SMG5: variants seen among roughly 807,000 people sequenced by gnomAD.
SMG5 encodes the protein SMG5 nonsense mediated mRNA decay factor.
In SMG5, 53 loss-of-function variants were observed where a neutral mutation model predicts 122.9. The observed-to-expected ratio is 0.43, with a 90% CI of 0.35 to 0.54. The LOEUF (loss-of-function observed/expected upper bound fraction) is 0.54, where lower values mean the gene tolerates loss of function less well. SMG5 is among the 20% of genes least tolerant of loss of function. The pLI is 0.01. For synonymous variants in SMG5, 477 were observed against 490.2 expected (o/e 0.97, Z 0.35); for missense variants, 1,153 against 1,285.6 (o/e 0.90, Z 1.58).
chr1:156,257,478 GA>G (rs1661630261), intron 16 of SMG5, among the ~76,000 whole-genome samples: 1 of 152,094 alleles, frequency 6.6e-6, no homozygotes, highest in South Asian at 2.1e-4. Flanking sequence ...AGCACCACAT[GA>G]GAAGGGCTTG....
upstream of SMG5, chr1:156,285,386 G>A: frequency 6.3e-7 from 1 of 1,588,106 alleles, no homozygotes; most frequent in East Asian, 2.2e-5. Context: ...GTCTTCAGCT[G>A]GATCTCCCAC....
At chr1:156,261,266 G>T in intron 14 of SMG5, 67 bp downstream of exon 14, 1 of 1,472,146 alleles carries the variant, frequency 6.8e-7, no homozygotes, top group Non-Finnish European at 9.5e-7. Flanking sequence ...TTATGGGGAG[G>T]GGAGATGGGC....
Position 156,250,868 on chromosome 1 carries a change from C to T in SMG5, c.2957G>A (p.Gly986Asp). The T allele has an allele frequency of 1.2e-6, 2 of 1,613,876 alleles. No individual in the cohort carries two copies. Among genetic ancestry groups the T allele is most frequent in the Non-Finnish European group, 1.7e-6 (2 of 1,179,878 alleles). ...LPLDNPSVLS[G>D]PMQAALQAAA... ...TCACCCATGACCCACCTGCATGGGG[C>T]CTGAAAGCACGCTGGGGTTGTCCAG... is the stretch of plus-strand genomic sequence containing the variant. Residue 986 changes from glycine (G) to aspartate (D), a missense_variant, in exon 21 of 22, where the codon GGC becomes GAC. This residue lies in a region of SMG5 where 84 missense variants were observed against 82.3 expected (regional missense o/e 1.02). Transcript: ENST00000361813.
At position 156,260,594 on chromosome 1, in the gene SMG5, G is replaced by A. The variant is rs1661778573; in HGVS notation, c.2140C>T (p.Leu714Phe). The change falls in exon 15 of 22, where the codon CTT becomes TTT. Residue 714 changes from leucine to phenylalanine, a missense_variant. Coordinates refer to ENST00000361813, the MANE Select transcript of SMG5 (RefSeq NM_015327.3). ...LALCPEVQDL[L>F]EGCELPDLPS... ...AGGTCAGGCAGTTCACAACCTTCAA[G>A]AAGATCTTGGACCTCAGGACACAAG... 58 of 1,517,848 alleles carry A rather than the reference G, an allele frequency of 3.8e-5. No homozygotes were observed. The highest frequency in any genetic ancestry group is 5.1e-5 in the Non-Finnish European group (58 of 1,138,774). The allele number at this position is 1,517,848 out of a possible 1,614,324, so 94.0% of individuals were successfully genotyped here.
At chr1:156,276,984 T>C in intron 4 of SMG5, 101 bp downstream of exon 4, 1 of 1,206,390 alleles carries the variant, frequency 8.3e-7, no homozygotes, top group East Asian at 2.4e-5. Flanking sequence ...GCTAGAACTC[T>C]CTCTGCCTGG....
Position 156,261,404 on chromosome 1 carries a change from G to C in SMG5, c.2036C>G (p.Ser679Cys). 2 of 1,614,046 alleles carry C rather than the reference G, an allele frequency of 1.2e-6. No homozygotes were observed. Among genetic ancestry groups the C allele is most frequent in the Non-Finnish European group, 1.7e-6 (2 of 1,179,926 alleles). The change falls in exon 14 of 22, where the codon TCT becomes TGT. Residue 679 changes from serine (S) to cysteine (C), a missense_variant. Ser to Cys is a moderately radical substitution (Grantham distance 112, BLOSUM62 -1). Coordinates refer to ENST00000361813, the MANE Select transcript of SMG5 (RefSeq NM_015327.3). ...PDLIIVCAQS[S>C]QSLWNRLSVL... is the part of the protein sequence containing the mutation. ...AGACAGGCGGTTCCACAGACTTTGA[G>C]AGCTCTGGGGAGAGAGAAGGGAGAG...
chr1:156,282,841 T>G (rs1663032761), upstream of SMG5: 1 of 704,390 alleles, frequency 1.4e-6, no homozygotes, highest in Non-Finnish European at 2.3e-6. Context: ...CTCCTCCGCC[T>G]GCCAAATCTC....
In SMG5 at chr1:156,267,727, A is replaced by C. The variant is rs1209364956; in HGVS notation, c.909-49T>G. 9.4e-6 allele frequency: 14 copies of C among 1,484,492 alleles called. No individual in the cohort carries two copies. In the South Asian group the frequency reaches 1.7e-4, roughly 18 times the overall value. The allele number at this position is 1,484,492 out of a possible 1,614,324, so 92.0% of individuals were successfully genotyped here. On this transcript the variant is annotated intron_variant, in intron 9 of 21. Transcript: ENST00000361813. ...GGGAGGTCAGTGGTGGGGGCTGGGG[A>C]AGGAGAAGAGCAGGGAATACAAGAT...
chr1:156,250,701 G>C, intron 21 of SMG5, 31 bp from the exon 22 acceptor site: 2 of 1,610,418 alleles, frequency 1.2e-6, no homozygotes, highest in South Asian at 2.2e-5. Context: ...AGATGGAGAG[G>C]GTCTGACCTC....
chr1:156,262,946 A>T (rs61814770), intron 13 of SMG5, among the ~76,000 whole-genome samples: 33,732 of 152,162 alleles, frequency 0.22, 3,977 homozygotes, highest in Admixed American at 0.32. Context: ...CGGCTTGACA[A>T]GAGCTCGGTC....
In SMG5 at chr1:156,277,013, G is replaced by C. The variant is rs1662712601; in HGVS notation, c.454+72C>G. The C allele has an allele frequency of 5.9e-6, 9 of 1,513,184 alleles. No individual in the cohort carries two copies. The East Asian group carries it at 1.8e-4, about 31-fold the overall frequency. 93.7% of individuals were successfully genotyped at this position (1,513,184 alleles called of 1,614,324 possible). On this transcript the variant is annotated intron_variant, in intron 4 of 21. Transcript: ENST00000361813. ...TGCCTGGCTGGGTCGCAAGCTACAT[G>C]AACCCTGAGGGATAAGGCCAGAGGT...
upstream of SMG5, among the ~76,000 whole-genome samples, chr1:156,287,605 AC>A (rs1158736673): frequency 1.0e-5 from 1 of 97,318 alleles, no homozygotes; most frequent in Non-Finnish European, 2.1e-5. Context: ...CTTACTCTCC[AC>A]TTTTTTTTTT....
At chr1:156,259,274 T>C in intron 15 of SMG5, 111 bp from the exon 16 acceptor site, 1 of 1,168,184 alleles carries the variant, frequency 8.6e-7, no homozygotes, top group Admixed American at 3.5e-5. Flanking sequence ...CCCAGCCACC[T>C]CAGCCAACAA....
rs1378501679 is a variant in SMG5 at position 156,253,514 on chromosome 1, A to T, written c.2443-6T>A. On this transcript the variant is annotated splice_polypyrimidine_tract_variant and splice_region_variant and intron_variant, in intron 16 of 21. Transcript: ENST00000361813. ...CGACGAGCTTCCTCCTGTGCCTATG[A>T]GGGAAAAAATGAGCTGTAAGGAGTT... 5.0e-6 allele frequency: 8 copies of T among 1,614,026 alleles called. No homozygotes were observed. The highest frequency in any genetic ancestry group is 5.9e-6 in the Non-Finnish European group (7 of 1,179,960).
intron 16 of SMG5, among the ~76,000 whole-genome samples, chr1:156,255,611 C>T (rs1368156473): frequency 1.3e-5 from 2 of 152,020 alleles, no homozygotes; most frequent in Non-Finnish European, 2.9e-5. Flanking sequence ...TGGGGCCAGG[C>T]ACAGTAGCTC....
chr1:156,287,709 T>A (rs886704640), upstream of SMG5, among the ~76,000 whole-genome samples: 12 of 148,266 alleles, frequency 8.1e-5, no homozygotes, highest in Non-Finnish European at 1.8e-4. Flanking sequence ...CTCCACCTAC[T>A]GGGTTCAAGC....
chr1:156,282,669 G>A lies in SMG5; in HGVS notation c.12C>T (p.Gly4=), dbSNP rs770659617. 7.5e-6 allele frequency: 12 copies of A among 1,604,820 alleles called. No individual in the cohort carries two copies. The South Asian group carries it at 1.2e-4, about 16-fold the overall frequency. MSQ[G]PPTGESSEPE... is the part of the protein sequence containing the mutation. ...GCTCGCTGCTCTCCCCTGTGGGGGGGCCTTGGCTCATGGTGCCCGGGTCCG... is the reference window on the plus strand; with the variant it reads ...GCTCGCTGCTCTCCCCTGTGGGGGGACCTTGGCTCATGGTGCCCGGGTCCG... The change falls in exon 1 of 22, where the codon GGC becomes GGT. Residue 4 remains glycine, a synonymous_variant. Transcript: ENST00000361813.
intron 6 of SMG5, among the ~76,000 whole-genome samples, chr1:156,273,111 G>GA (rs1206381465): frequency 6.6e-6 from 1 of 152,170 alleles, no homozygotes. Flanking sequence ...TCAGGGAGAG[G>GA]AAAGCCATCT....
chr1:156,268,449 G>C (rs374821236), intron 7 of SMG5, 34 bp from the exon 8 acceptor site: 23 of 1,608,600 alleles, frequency 1.4e-5, no homozygotes, highest in Non-Finnish European at 2.0e-5. Context: ...CTGAGTCTTG[G>C]CAGGGGGAGG....
Sources: gnomAD v4.1 joint callset for allele counts (sites outside exome capture counted in the v4.1 genomes callset) on GRCh38, gnomAD v4.1.1 for gene constraint, gnomAD v4.1.1 regional missense constraint, MANE v1.5 for transcripts, NCBI Gene and HGNC (gene_info 2026-07-23, HGNC 2026-07-21) for gene names.